Variants in ARB2A observed in about 807,000 individuals in gnomAD.
The protein encoded by ARB2A is ARB2 cotranscriptional regulator A.
chr5:93,906,801 T>G, the ARB2A span, among the ~76,000 whole-genome samples: 2 of 151,460 alleles, frequency 1.3e-5, no homozygotes, highest in African/African-American at 4.8e-5. Context: ...TTAAAGCATT[T>G]TTAGTAAGCC....
the ARB2A span, among the ~76,000 whole-genome samples, chr5:93,821,271 A>G: frequency 6.6e-6 from 1 of 152,098 alleles, no homozygotes; most frequent in East Asian, 1.9e-4. Context: ...GCATTCAAAC[A>G]CGACGCTACA....
the ARB2A span, among the ~76,000 whole-genome samples, chr5:93,801,921 C>G: frequency 6.6e-6 from 1 of 152,022 alleles, no homozygotes; most frequent in African/African-American, 2.4e-5. Context: ...AATTATAATT[C>G]AACCAGTAAA....
chr5:94,069,778 C>T, the ARB2A span, among the ~76,000 whole-genome samples: 3 of 151,916 alleles, frequency 2.0e-5, no homozygotes, highest in South Asian at 2.1e-4. Flanking sequence ...ATTAAAAAGA[C>T]AAAAAATAAC....
chr5:94,097,136 G>A, the ARB2A span, among the ~76,000 whole-genome samples: 3 of 152,266 alleles, frequency 2.0e-5, no homozygotes, highest in South Asian at 2.1e-4. Context: ...TCCTCTACGC[G>A]GCTTTAGCAT....
chr5:93,801,287 A>G, the ARB2A span, among the ~76,000 whole-genome samples: 10 of 152,154 alleles, frequency 6.6e-5, no homozygotes. Context: ...TGTGAGAACC[A>G]ATAGCTCCAA....
chr5:93,726,488 G>C, the ARB2A span, among the ~76,000 whole-genome samples: 1 of 151,932 alleles, frequency 6.6e-6, no homozygotes, highest in Non-Finnish European at 1.5e-5. Context: ...CTGCCTGTAG[G>C]TACTCTGCCT....
chr5:94,003,071 T>C, the ARB2A span, among the ~76,000 whole-genome samples: 1 of 152,316 alleles, frequency 6.6e-6, no homozygotes, highest in African/African-American at 2.4e-5. Context: ...AGCATCTAAA[T>C]TGTTCAAAAT....
the ARB2A span, among the ~76,000 whole-genome samples, chr5:93,819,919 T>C: frequency 1.3e-5 from 2 of 152,182 alleles, no homozygotes; most frequent in African/African-American, 2.4e-5. Context: ...TTAATTCACA[T>C]GCAAGTGAGG....
the ARB2A span, among the ~76,000 whole-genome samples, chr5:93,943,935 GAA>G: frequency 8.3e-4 from 127 of 152,206 alleles, no homozygotes; most frequent in African/African-American, 3.0e-3. Flanking sequence ...CATAGCTTAC[GAA>G]AAGAGACATG....
At chr5:94,060,890 G>GA in the ARB2A span, among the ~76,000 whole-genome samples, 1 of 151,686 alleles carries the variant, frequency 6.6e-6, no homozygotes, top group African/African-American at 2.4e-5. Flanking sequence ...GGCTACAGAA[G>GA]AAAAAAAATA....
the ARB2A span, among the ~76,000 whole-genome samples, chr5:93,959,204 A>C: frequency 5.3e-5 from 8 of 151,972 alleles, no homozygotes; most frequent in Non-Finnish European, 1.0e-4. Context: ...AATATTGGTA[A>C]TATGTTTCTC....
chr5:93,952,673 C>A, the ARB2A span, among the ~76,000 whole-genome samples: 1 of 152,064 alleles, frequency 6.6e-6, no homozygotes, highest in Non-Finnish European at 1.5e-5. Context: ...CTTGGAGTTC[C>A]ATAACTTTCT....
At chr5:93,833,394 AT>A in the ARB2A span, among the ~76,000 whole-genome samples, 1 of 152,208 alleles carries the variant, frequency 6.6e-6, no homozygotes, top group East Asian at 1.9e-4. Context: ...GGTCAAAGAT[AT>A]TCATCACTGT....
At chr5:93,960,763 T>A in the ARB2A span, among the ~76,000 whole-genome samples, 1 of 152,200 alleles carries the variant, frequency 6.6e-6, no homozygotes, top group Non-Finnish European at 1.5e-5. Context: ...ACAAGAGCTA[T>A]ACAATGTTAA....
the ARB2A span, among the ~76,000 whole-genome samples, chr5:93,920,743 A>G: frequency 6.6e-6 from 1 of 152,182 alleles, no homozygotes; most frequent in African/African-American, 2.4e-5. Context: ...GATGCAGTAT[A>G]AAATCGTAAC....
At chr5:93,958,803 T>C in the ARB2A span, 4 of 1,561,264 alleles carry the variant, frequency 2.6e-6, no homozygotes, top group African/African-American at 5.4e-5. Flanking sequence ...ATAAACGGTA[T>C]CTGTGTGCCA....
chr5:94,057,997 G>GT, the ARB2A span, among the ~76,000 whole-genome samples: 1 of 152,130 alleles, frequency 6.6e-6, no homozygotes, highest in Non-Finnish European at 1.5e-5. Flanking sequence ...ATTCACTCAT[G>GT]TCTTTGACTA....
At chr5:94,089,125 T>G in the ARB2A span, among the ~76,000 whole-genome samples, 3 of 152,180 alleles carry the variant, frequency 2.0e-5, no homozygotes, top group Non-Finnish European at 2.9e-5. Context: ...CATAAAACAT[T>G]TATTTGGTGC....
chr5:93,930,087 A>G, the ARB2A span, among the ~76,000 whole-genome samples: 2 of 152,196 alleles, frequency 1.3e-5, no homozygotes, highest in African/African-American at 4.8e-5. Context: ...CTTTATCTCT[A>G]GAATCACAGC....
Sources: gnomAD v4.1 joint callset for allele counts (sites outside exome capture counted in the v4.1 genomes callset) on GRCh38, gnomAD v4.1.1 for gene constraint, MANE v1.5 for transcripts, NCBI Gene and HGNC (gene_info 2026-07-23, HGNC 2026-07-21) for gene names.